Variants in PRR5L observed in about 807,000 individuals in gnomAD.
PRR5L encodes proline-rich protein 5-like.
A neutral mutation model predicts 36.4 loss-of-function variants in PRR5L; 21 were observed. The observed-to-expected ratio is 0.58, with a 90% CI of 0.41 to 0.83. PRR5L has a LOEUF of 0.83. Ranked by LOEUF, PRR5L falls within the 40% of genes least tolerant of loss-of-function variation. The probability of loss-of-function intolerance (pLI) is 0.00; values close to 1 mark genes in which losing one functional copy is unlikely to be tolerated. For synonymous variants in PRR5L, 188 were observed against 197.0 expected (o/e 0.95, Z 0.38); for missense variants, 381 against 473.3 (o/e 0.80, Z 1.81).
rs141022784 is a variant in PRR5L, at chr11:36,445,728, C to T, written c.445-572C>T. Among the ~76,000 whole-genome samples, 20 of 152,306 alleles carry T rather than the reference C, an allele frequency of 1.3e-4. No individual in the cohort carries two copies. In the East Asian group the frequency reaches 3.1e-3, roughly 23 times the overall value. On this transcript the variant is annotated intron_variant, in intron 6 of 8. Transcript: ENST00000530639. ...ACATCTAAACTATGTAGAATCATGC[C>T]TAGCACATAGAATTTAATACATGTT...
chr11:36,436,566 C>A (rs560689406), intron 5 of PRR5L, among the ~76,000 whole-genome samples: 1 of 152,330 alleles, frequency 6.6e-6, no homozygotes, highest in Admixed American at 6.5e-5. Context: ...GCTGCCTTCC[C>A]AGTTACTGTA....
At chr11:36,301,164 C>T (rs1036580108) in intron 1 of PRR5L, 1 of 152,464 alleles carries the variant, frequency 6.6e-6, no homozygotes, top group Non-Finnish European at 1.5e-5. Context: ...TTGAACTGCT[C>T]AAGCACAGGC....
chr11:36,326,587 A>G (rs1856665168), intron 1 of PRR5L, among the ~76,000 whole-genome samples: 1 of 152,110 alleles, frequency 6.6e-6, no homozygotes, highest in Admixed American at 6.5e-5. Flanking sequence ...CATTGATTTG[A>G]AGACCCTGGG....
chr11:36,389,771 C>T (rs1322457947), intron 1 of PRR5L, among the ~76,000 whole-genome samples: 2 of 152,182 alleles, frequency 1.3e-5, no homozygotes, highest in Non-Finnish European at 2.9e-5. Flanking sequence ...CGCCACCATA[C>T]CTGGCTAGTT....
At chr11:36,340,004 C>T (rs1470313036) in intron 1 of PRR5L, among the ~76,000 whole-genome samples, 3 of 152,214 alleles carry the variant, frequency 2.0e-5, no homozygotes, top group African/African-American at 4.8e-5. Flanking sequence ...TGGTCTCTCC[C>T]TCCTTGCGTC....
At chr11:36,372,305 T>C (rs1161388082) in intron 1 of PRR5L, among the ~76,000 whole-genome samples, 3 of 152,020 alleles carry the variant, frequency 2.0e-5, no homozygotes, top group Non-Finnish European at 2.9e-5. Context: ...GGGCAGGCAT[T>C]GTCATGGGAA....
At chr11:36,325,412 A>G (rs559648874) in intron 1 of PRR5L, among the ~76,000 whole-genome samples, 26 of 152,356 alleles carry the variant, frequency 1.7e-4, no homozygotes, top group Admixed American at 1.4e-3. Context: ...GAGCAGTAAC[A>G]AACATGGACC....
intron 1 of PRR5L, among the ~76,000 whole-genome samples, chr11:36,341,854 A>G (rs1856820216): frequency 6.6e-6 from 1 of 152,204 alleles, no homozygotes. Context: ...CCAGTGCTTA[A>G]TGGCTCTGGA....
Position 36,464,658 on chromosome 11 carries a change from T to TAAC in PRR5L, c.*1924_*1926dup, listed in dbSNP as rs1859259206. 6.6e-6 allele frequency: 1 copy of TAAC among 152,230 alleles called. No homozygotes were observed. The highest frequency in any genetic ancestry group is 1.5e-5 in the Non-Finnish European group (1 of 68,042). The allele number at this position is 152,230 out of a possible 1,614,324, so 9.4% of individuals were successfully genotyped here. On this transcript the variant is annotated 3_prime_UTR_variant, in exon 9 of 9. Coordinates refer to ENST00000530639, the MANE Select transcript of PRR5L (RefSeq NM_001160167.2). Reference sequence around the variant, plus strand: ...TAGCTTCTGTCCTTATTAGTACACTTAACATTTGAGACTAGTATTTATTGA... The same window carrying TAAC: ...TAGCTTCTGTCCTTATTAGTACACTTAACAACATTTGAGACTAGTATTTATTGA...
chr11:36,441,286 A>G (rs991087327), intron 6 of PRR5L, among the ~76,000 whole-genome samples: 1 of 152,250 alleles, frequency 6.6e-6, no homozygotes, highest in Non-Finnish European at 1.5e-5. Context: ...ATTTACTTAT[A>G]AGATACAATG....
At chr11:36,406,176 A>G (rs1313284515) in intron 3 of PRR5L, among the ~76,000 whole-genome samples, 1 of 151,160 alleles carries the variant, frequency 6.6e-6, no homozygotes, top group Admixed American at 6.6e-5. Context: ...TGTGACTAAC[A>G]CTCATCATGA....
chr11:36,449,071 G>A (rs1858891958), intron 7 of PRR5L, among the ~76,000 whole-genome samples: 1 of 152,204 alleles, frequency 6.6e-6, no homozygotes, highest in Non-Finnish European at 1.5e-5. Context: ...AGGGCTTCCT[G>A]GGAATGTTGC....
At chr11:36,355,039 C>G (rs953569326) in intron 1 of PRR5L, among the ~76,000 whole-genome samples, 1 of 152,158 alleles carries the variant, frequency 6.6e-6, no homozygotes, top group Non-Finnish European at 1.5e-5. Context: ...AGGCTAAGTT[C>G]ATTCATTAGA....
At chr11:36,310,890 G>A (rs778360570) in intron 1 of PRR5L, among the ~76,000 whole-genome samples, 5 of 151,566 alleles carry the variant, frequency 3.3e-5, no homozygotes, top group South Asian at 4.2e-4. Context: ...CCAGCTACTC[G>A]GGAGGCCAAG....
chr11:36,301,179 G>T (rs937708309), intron 1 of PRR5L: 2 of 152,814 alleles, frequency 1.3e-5, no homozygotes, highest in African/African-American at 4.8e-5. Flanking sequence ...ACAGGCCGGG[G>T]TCAAGGGAGG....
intron 4 of PRR5L, among the ~76,000 whole-genome samples, chr11:36,422,752 C>G (rs990234688): frequency 1.3e-5 from 2 of 152,104 alleles, no homozygotes; most frequent in Admixed American, 1.3e-4. Context: ...TCTGCAGAAG[C>G]CCAGCTACAC....
At position 36,351,013 on chromosome 11, in the gene PRR5L, GTTATATAT is replaced by G. The variant is rs1238117622; in HGVS notation, c.-125-49971_-125-49964del. ...TTATATATTTATATATATTTATATAGTTATATATTTATATATTTATTTTTTAATATATT... is the reference window on the plus strand; with the variant it reads ...TTATATATTTATATATATTTATATAGTTATATATTTATTTTTTAATATATT... On this transcript the variant is annotated intron_variant, in intron 1 of 8. Coordinates refer to ENST00000530639, the MANE Select transcript of PRR5L (RefSeq NM_001160167.2). 3.1e-3 allele frequency among the ~76,000 whole-genome samples: 63 copies of G among 20,466 alleles called. 4 individuals are homozygous for G. Among genetic ancestry groups the G allele is most frequent in the Non-Finnish European group, 4.5e-3 (50 of 11,026 alleles). 13.4% of individuals were successfully genotyped at this position (20,466 alleles called of 152,430 possible). A position where few individuals can be genotyped will look rare whatever the true frequency, so the allele number is the denominator to read the frequency against.
chr11:36,350,708 G>A (rs769022994), intron 1 of PRR5L, among the ~76,000 whole-genome samples: 1 of 149,608 alleles, frequency 6.7e-6, no homozygotes, highest in Non-Finnish European at 1.5e-5. Context: ...CCTTTCCCCC[G>A]AGTCCCCAAG....
At chr11:36,335,553 G>C (rs1009478968) in intron 1 of PRR5L, among the ~76,000 whole-genome samples, 1 of 152,068 alleles carries the variant, frequency 6.6e-6, no homozygotes, top group Non-Finnish European at 1.5e-5. Context: ...TGTGCAGCAG[G>C]CTCCAGGGAA....
Sources: gnomAD v4.1 joint callset for allele counts (sites outside exome capture counted in the v4.1 genomes callset) on GRCh38, gnomAD v4.1.1 for gene constraint, MANE v1.5 for transcripts, NCBI Gene and HGNC (gene_info 2026-07-23, HGNC 2026-07-21) for gene names.